The following DLGAP2 variants were observed in gnomAD, a reference collection of about 807,000 sequenced individuals.
DLGAP2 encodes DLG associated protein 2.
DLGAP2 carries 26 observed loss-of-function variants against 100.3 expected under a neutral mutation model. The observed-to-expected ratio is 0.26, with a 90% CI of 0.19 to 0.36. The LOEUF is 0.36. Ranked by LOEUF, DLGAP2 falls within the 10% of genes least tolerant of loss-of-function variation. The pLI, the probability that DLGAP2 is intolerant of heterozygous loss-of-function variation, is 1.00. For synonymous variants in DLGAP2, 886 were observed against 630.1 expected (o/e 1.41, Z -6.08); for missense variants, 1,858 against 1,453.2 (o/e 1.28, Z -4.53).
At chr8:1,200,491 G>C (rs1008896927) in intron 2 of DLGAP2, among the ~76,000 whole-genome samples, 1 of 152,144 alleles carries the variant, frequency 6.6e-6, no homozygotes, top group Non-Finnish European at 1.5e-5. Context: ...CTGGCCTCGT[G>C]CTCCTCGGGG....
intron 6 of DLGAP2, among the ~76,000 whole-genome samples, chr8:1,595,060 G>C (rs1230285746): frequency 6.7e-6 from 1 of 149,200 alleles, no homozygotes; most frequent in African/African-American, 2.5e-5. Context: ...TTTCTTTTTT[G>C]AGACAAGATC....
chr8:1,215,042 T>C (rs1798184818), intron 2 of DLGAP2, among the ~76,000 whole-genome samples: 1 of 152,104 alleles, frequency 6.6e-6, no homozygotes, highest in East Asian at 1.9e-4. Context: ...GGAAATAGTA[T>C]AAGAACACAA....
At chr8:1,620,045 T>C (rs929152552) in intron 6 of DLGAP2, among the ~76,000 whole-genome samples, 4 of 152,084 alleles carry the variant, frequency 2.6e-5, no homozygotes, top group Non-Finnish European at 5.9e-5. Context: ...CGTTGCTTCA[T>C]CCCCCCATCC....
At chr8:1,276,015 G>T (rs1799685643) in intron 3 of DLGAP2, among the ~76,000 whole-genome samples, 1 of 119,928 alleles carries the variant, frequency 8.3e-6, no homozygotes, top group African/African-American at 3.2e-5. Context: ...AATAGATATA[G>T]AATATATAAA....
chr8:1,496,980 C>T (rs144742123), intron 3 of DLGAP2, among the ~76,000 whole-genome samples: 18 of 151,926 alleles, frequency 1.2e-4, no homozygotes, highest in Admixed American at 3.9e-4. Flanking sequence ...TCCAGTCACA[C>T]GTTATGGAAT....
chr8:838,672 CA>C (rs1398925743), intron 1 of DLGAP2, among the ~76,000 whole-genome samples: 7 of 152,076 alleles, frequency 4.6e-5, no homozygotes, highest in African/African-American at 1.7e-4. Context: ...ACTATATTGT[CA>C]TGTTAATGCA....
intron 2 of DLGAP2, among the ~76,000 whole-genome samples, chr8:1,100,694 G>A (rs984119565): frequency 2.0e-5 from 3 of 152,154 alleles, no homozygotes; most frequent in East Asian, 1.9e-4. Context: ...TGAACTTGGC[G>A]CGCCTGTTGC....
rs115448917 is a variant in DLGAP2, at chr8:1,580,198, A to G, written c.1442+14304A>G. Among the ~76,000 whole-genome samples the G allele has an allele frequency of 7.8e-3, 1,186 of 152,308 alleles. 16 individuals are homozygous for G. Among genetic ancestry groups the G allele is most frequent in the African/African-American group, 0.027 (1,127 of 41,572 alleles). ...TGGATGTTCCTTCAAACTCTCAGAG[A>G]AAACGTGAAAGTAACTATAGTTATG... On this transcript the variant is annotated intron_variant, in intron 6 of 14. Transcript: ENST00000637795.
chr8:846,835 T>G (rs1191315396), intron 1 of DLGAP2, among the ~76,000 whole-genome samples: 1 of 152,212 alleles, frequency 6.6e-6, no homozygotes, highest in Non-Finnish European at 1.5e-5. Context: ...TAGTTCTGGT[T>G]TGCATTTTCC....
chr8:1,183,811 T>C lies in DLGAP2; in HGVS notation c.74-75040T>C, dbSNP rs1400092722. Among the ~76,000 whole-genome samples the C allele has an allele frequency of 3.9e-5, 6 of 152,342 alleles. No individual in the cohort carries two copies. The East Asian group carries it at 1.2e-3, about 29-fold the overall frequency. On this transcript the variant is annotated intron_variant, in intron 2 of 14. Coordinates refer to ENST00000637795, the MANE Select transcript of DLGAP2 (RefSeq NM_001346810.2). ...GAAGCTGCAGAGTACGGAACACCCT[T>C]TGCAAGCCTTCAGGCAGAGAACGTA...
In DLGAP2 at chr8:1,375,166, A is replaced by C. The variant is rs185878713; in HGVS notation, c.106+116283A>C. Among the ~76,000 whole-genome samples the C allele has an allele frequency of 2.9e-5, 3 of 105,250 alleles. No homozygotes were observed. In the Admixed American group the frequency reaches 2.9e-4, roughly 10 times the overall value. 69.0% of individuals were successfully genotyped at this position (105,250 alleles called of 152,430 possible). A position where few individuals can be genotyped will look rare whatever the true frequency, so the allele number is the denominator to read the frequency against. On this transcript the variant is annotated intron_variant, in intron 3 of 14. Coordinates refer to ENST00000637795, the MANE Select transcript of DLGAP2 (RefSeq NM_001346810.2). ...CCTCAGAACTGATCCCCCACCTCCTACATTTGGGTTAACGACCCCTCTCCA... is the reference window on the plus strand; with the variant it reads ...CCTCAGAACTGATCCCCCACCTCCTCCATTTGGGTTAACGACCCCTCTCCA...
At chr8:1,454,151 G>A (rs923652041) in intron 3 of DLGAP2, among the ~76,000 whole-genome samples, 30 of 152,300 alleles carry the variant, frequency 2.0e-4, no homozygotes, top group African/African-American at 7.0e-4. Context: ...GATGGGGTTC[G>A]GGTCTTCGCA....
At chr8:934,442 G>A (rs1211591092) in intron 2 of DLGAP2, among the ~76,000 whole-genome samples, 2 of 152,156 alleles carry the variant, frequency 1.3e-5, no homozygotes, top group Non-Finnish European at 2.9e-5. Flanking sequence ...TGTCGGAGTC[G>A]ATCTATTTCC....
At chr8:1,660,350 G>A (rs1198911218) in intron 8 of DLGAP2, among the ~76,000 whole-genome samples, 4 of 152,118 alleles carry the variant, frequency 2.6e-5, no homozygotes, top group African/African-American at 7.2e-5. Flanking sequence ...AATAACTGCT[G>A]TATTATTTGT....
At chr8:1,424,931 A>T (rs370403838) in intron 3 of DLGAP2, among the ~76,000 whole-genome samples, 1 of 152,206 alleles carries the variant, frequency 6.6e-6, no homozygotes, top group Non-Finnish European at 1.5e-5. Context: ...GAAGATCGAG[A>T]AGTTCTGGAG....
chr8:1,017,521 CTCCACTGTGTGTGACCAGGACAGACGAT>C lies in DLGAP2; in HGVS notation c.73+109556_73+109583del, dbSNP rs1801492284. Among the ~76,000 whole-genome samples the C allele has an allele frequency of 1.7e-4, 20 of 121,146 alleles. 1 individual carries two copies. Among genetic ancestry groups the C allele is most frequent in the South Asian group, 1.1e-3 (4 of 3,762 alleles). The allele number at this position is 121,146 out of a possible 152,430, so 79.5% of individuals were successfully genotyped here. On this transcript the variant is annotated intron_variant, in intron 2 of 14. Coordinates refer to ENST00000637795, the MANE Select transcript of DLGAP2 (RefSeq NM_001346810.2). Reference sequence around the variant, plus strand: ...CTGTGTGTGTGACCAGGACAGACGCCTCCACTGTGTGTGACCAGGACAGACGATGCCTCCACTGTGTGTGTGACCAGGA... The same window carrying C: ...CTGTGTGTGTGACCAGGACAGACGCCGCCTCCACTGTGTGTGTGACCAGGA...
At chr8:1,389,287 G>A (rs1344881115) in intron 3 of DLGAP2, among the ~76,000 whole-genome samples, 1 of 139,710 alleles carries the variant, frequency 7.2e-6, no homozygotes, top group Non-Finnish European at 1.5e-5. Context: ...GTGGGGAGGG[G>A]ACTCTGGAGG....
At chr8:852,665 T>C (rs1797203728) in intron 1 of DLGAP2, among the ~76,000 whole-genome samples, 1 of 152,220 alleles carries the variant, frequency 6.6e-6, no homozygotes, top group East Asian at 1.9e-4. Flanking sequence ...CTGATTATGT[T>C]CGCAGATGTC....
intron 3 of DLGAP2, among the ~76,000 whole-genome samples, chr8:1,437,021 G>A (rs1303608999): frequency 6.6e-6 from 1 of 152,094 alleles, no homozygotes; most frequent in Non-Finnish European, 1.5e-5. Flanking sequence ...ACGCCATCCG[G>A]GTCTGCGTTC....
Sources: gnomAD v4.1 joint callset for allele counts (sites outside exome capture counted in the v4.1 genomes callset) on GRCh38, gnomAD v4.1.1 for gene constraint, MANE v1.5 for transcripts, NCBI Gene and HGNC (gene_info 2026-07-23, HGNC 2026-07-21) for gene names.